The following STARD13 variants were observed in gnomAD, a reference collection of about 807,000 sequenced individuals.
STARD13 encodes StAR related lipid transfer domain containing 13.
In STARD13, 62 loss-of-function variants were observed where a neutral mutation model predicts 106.4. The ratio of observed to expected loss-of-function variants is 0.58; its 90% CI spans 0.48 to 0.72. The LOEUF is 0.72. STARD13 is among the 30% of genes least tolerant of loss of function. STARD13 has a pLI of 0.00. For synonymous variants in STARD13, 565 were observed against 553.0 expected (o/e 1.02, Z -0.31); for missense variants, 1,387 against 1,424.0 (o/e 0.97, Z 0.42).
At chr13:33,602,092 CT>C in the STARD13 span, among the ~76,000 whole-genome samples, 343 of 136,338 alleles carry the variant, frequency 2.5e-3, no homozygotes, top group Middle Eastern at 3.9e-3. Context: ...TCTAGTAATT[CT>C]TTTTTTTTTT....
the STARD13 span, among the ~76,000 whole-genome samples, chr13:33,375,498 AAAGGC>A: frequency 6.6e-6 from 1 of 152,186 alleles, no homozygotes; most frequent in African/African-American, 2.4e-5. Flanking sequence ...GGTAGTTTAT[AAAGGC>A]AAGAGGTTCA....
chr13:33,395,322 G>A, the STARD13 span, among the ~76,000 whole-genome samples: 1 of 152,058 alleles, frequency 6.6e-6, no homozygotes, highest in Non-Finnish European at 1.5e-5. Flanking sequence ...GCTCAGAGTG[G>A]TCTGAAAAAT....
At chr13:33,419,652 T>C in the STARD13 span, among the ~76,000 whole-genome samples, 3 of 152,158 alleles carry the variant, frequency 2.0e-5, no homozygotes, top group East Asian at 5.8e-4. Context: ...AGACACATAA[T>C]TGTCAGATTC....
intron 1 of STARD13, chr13:33,281,698 T>C (rs78398649): frequency 0.038 from 5,810 of 152,266 alleles, 155 homozygotes; most frequent in African/African-American, 0.046. Flanking sequence ...TCAAAGACAT[T>C]GTACAAAGTG....
intron 1 of STARD13, among the ~76,000 whole-genome samples, chr13:33,248,682 C>T (rs776316473): frequency 7.2e-5 from 11 of 152,164 alleles, no homozygotes; most frequent in Non-Finnish European, 1.2e-4. Flanking sequence ...CCATTCCTTT[C>T]CCCTTTTGCT....
chr13:33,433,800 G>T, the STARD13 span, among the ~76,000 whole-genome samples: 1 of 150,034 alleles, frequency 6.7e-6, no homozygotes, highest in African/African-American at 2.5e-5. Context: ...AAATATCATA[G>T]AAAATGGCTG....
chr13:33,665,771 A>T, the STARD13 span, among the ~76,000 whole-genome samples: 9,675 of 152,250 alleles, frequency 0.064, 790 homozygotes, highest in East Asian at 0.25. Flanking sequence ...GAAAAGGCTG[A>T]TGTTAAATGA....
chr13:33,217,774 T>C (rs1888127114), intron 1 of STARD13, among the ~76,000 whole-genome samples: 1 of 152,218 alleles, frequency 6.6e-6, no homozygotes, highest in Non-Finnish European at 1.5e-5. Flanking sequence ...CTCAAAATTG[T>C]TTTTTAAATG....
the STARD13 span, among the ~76,000 whole-genome samples, chr13:33,446,087 A>G: frequency 1.5e-5 from 2 of 134,404 alleles, no homozygotes; most frequent in African/African-American, 7.2e-5. Flanking sequence ...GTAATTGCAG[A>G]GTCATTTTGA....
chr13:33,424,092 A>G, the STARD13 span, among the ~76,000 whole-genome samples: 1 of 152,156 alleles, frequency 6.6e-6, no homozygotes, highest in East Asian at 1.9e-4. Context: ...TTAAAGTATA[A>G]TAATAATAAC....
At chr13:33,590,557 G>A in the STARD13 span, among the ~76,000 whole-genome samples, 448 of 151,932 alleles carry the variant, frequency 2.9e-3, 6 homozygotes, top group Non-Finnish European at 3.3e-3. Context: ...TAGGGACATG[G>A]ATGAAGCTGG....
At chr13:33,359,130 C>T in the STARD13 span, among the ~76,000 whole-genome samples, 1 of 97,092 alleles carries the variant, frequency 1.0e-5, no homozygotes, top group South Asian at 6.3e-4. Context: ...AGGTTGCCTT[C>T]CACACTGTGG....
At chr13:33,597,759 C>A in the STARD13 span, among the ~76,000 whole-genome samples, 2 of 150,958 alleles carry the variant, frequency 1.3e-5, no homozygotes, top group African/African-American at 4.9e-5. Flanking sequence ...GAGGCAGAGG[C>A]AGGAGAATCG....
At chr13:33,295,643 G>A (rs1403164524) in intron 1 of STARD13, among the ~76,000 whole-genome samples, 1 of 152,062 alleles carries the variant, frequency 6.6e-6, no homozygotes, top group Non-Finnish European at 1.5e-5. Context: ...CAAAAGAGGA[G>A]GACAGTTACA....
At position 33,234,421 on chromosome 13, in the gene STARD13, C is replaced by G. The variant is rs1889085073; in HGVS notation, c.169+51049G>C. On this transcript the variant is annotated intron_variant, in intron 1 of 13. Transcript: ENST00000336934. ...TCACACTCATCATGCCATCTGCTCTCTTCCACTCATGGGCTCTCTCAAATG... is the reference window on the plus strand; with the variant it reads ...TCACACTCATCATGCCATCTGCTCTGTTCCACTCATGGGCTCTCTCAAATG... Among the ~76,000 whole-genome samples, 4 of 152,322 alleles carry G rather than the reference C, an allele frequency of 2.6e-5. No individual in the cohort carries two copies. The South Asian group carries it at 8.3e-4, about 32-fold the overall frequency.
the STARD13 span, among the ~76,000 whole-genome samples, chr13:33,673,501 A>G: frequency 6.6e-6 from 1 of 150,922 alleles, no homozygotes; most frequent in Non-Finnish European, 1.5e-5. Flanking sequence ...GAATATATAC[A>G]TTAGTTTTTT....
intron 3 of STARD13, among the ~76,000 whole-genome samples, chr13:33,160,087 G>A (rs1882444617): frequency 6.6e-6 from 1 of 152,156 alleles, no homozygotes; most frequent in Non-Finnish European, 1.5e-5. Context: ...ACTTACCTAA[G>A]TAATCAAGAC....
At chr13:33,180,945 G>T (rs1314827617) in intron 1 of STARD13, among the ~76,000 whole-genome samples, 1 of 152,132 alleles carries the variant, frequency 6.6e-6, no homozygotes, top group African/African-American at 2.4e-5. Context: ...TTTAGATGAA[G>T]TCTATCTTGC....
At chr13:33,545,397 A>G in the STARD13 span, among the ~76,000 whole-genome samples, 1 of 152,216 alleles carries the variant, frequency 6.6e-6, no homozygotes, top group African/African-American at 2.4e-5. Flanking sequence ...GCCTGGCCCG[A>G]AAGGTGAATG....
Sources: gnomAD v4.1 joint callset for allele counts (sites outside exome capture counted in the v4.1 genomes callset) on GRCh38, gnomAD v4.1.1 for gene constraint, MANE v1.5 for transcripts, NCBI Gene and HGNC (gene_info 2026-07-23, HGNC 2026-07-21) for gene names.